Variants in RNF115 observed in about 807,000 individuals in gnomAD.
The protein encoded by RNF115 is ring finger protein 115.
A neutral mutation model predicts 39.2 loss-of-function variants in RNF115; 31 were observed. That is an observed-to-expected ratio of 0.79 (90% CI 0.59 to 1.07). The LOEUF is 1.07. Among genes scored for constraint, RNF115 ranks in the 50% least tolerant of loss-of-function variants. The pLI, the probability that RNF115 is intolerant of heterozygous loss-of-function variation, is 0.00. For synonymous variants in RNF115, 124 were observed against 131.0 expected (o/e 0.95, Z 0.37); for missense variants, 384 against 381.7 (o/e 1.01, Z -0.05).
intron 4 of RNF115, among the ~76,000 whole-genome samples, chr1:145,763,039 A>G (rs1427383167): frequency 6.6e-6 from 1 of 152,148 alleles, no homozygotes; most frequent in East Asian, 1.9e-4. Flanking sequence ...AGGTTGAGAA[A>G]CTACCTATAG....
intron 3 of RNF115, chr1:145,772,763 A>G (rs1329003723): frequency 6.6e-6 from 1 of 152,116 alleles, no homozygotes; most frequent in Non-Finnish European, 1.5e-5. Flanking sequence ...GTGTATATTC[A>G]TGTCTTGTCA....
intron 3 of RNF115, among the ~76,000 whole-genome samples, chr1:145,782,048 G>A (rs1479218617): frequency 2.6e-5 from 4 of 151,634 alleles, no homozygotes; most frequent in Admixed American, 6.6e-5. Flanking sequence ...AATTACAGGC[G>A]CCCACCACCA....
At position 145,754,839 on chromosome 1, in the gene RNF115, T is replaced by C. The variant is rs9441165; in HGVS notation, c.429-1790A>G. ...TGCTTCGTGTTGTTTTAAAAATATG[T>C]CCAAAAATTATTTGATAATCTTCCC... is the stretch of plus-strand genomic sequence containing the variant. On this transcript the variant is annotated intron_variant, in intron 4 of 8. Coordinates refer to ENST00000582693, the MANE Select transcript of RNF115 (RefSeq NM_014455.4). Among the ~76,000 whole-genome samples, 963 of 152,326 alleles carry C rather than the reference T, an allele frequency of 6.3e-3. 9 individuals are homozygous for C. The highest frequency in any genetic ancestry group is 0.022 in the African/African-American group (911 of 41,566).
Position 145,803,097 on chromosome 1 carries a change from TAAGG to T in RNF115, c.103-14135_103-14132del, listed in dbSNP as rs1161692213. Among the ~76,000 whole-genome samples, 3 of 152,280 alleles carry T rather than the reference TAAGG, an allele frequency of 2.0e-5. No individual in the cohort carries two copies. In the East Asian group the frequency reaches 5.8e-4, roughly 29 times the overall value. On this transcript the variant is annotated intron_variant, in intron 1 of 8. Transcript: ENST00000582693. The stretch of plus-strand genomic sequence containing the variant: ...TTCTCTCAACTCTCCTTCAAGAAAT[TAAGG>T]AAGACATACCTCTCATTCATTACAA...
At position 145,750,505 on chromosome 1, in the gene RNF115, A is replaced by G; in HGVS notation, c.574-5T>C. 2 of 1,610,344 alleles carry G rather than the reference A, an allele frequency of 1.2e-6. No individual in the cohort carries two copies. The highest frequency in any genetic ancestry group is 1.7e-6 in the Non-Finnish European group (2 of 1,176,792). On this transcript the variant is annotated splice_polypyrimidine_tract_variant and splice_region_variant and intron_variant, in intron 6 of 8. Transcript: ENST00000582693. ...GTTTTCCAGTTGTCCTAAAAGCTAC[A>G]AAAAAAGAGAAAGAAAAAGACGAAG...
intron 1 of RNF115, among the ~76,000 whole-genome samples, chr1:145,812,326 A>G: frequency 6.7e-6 from 1 of 150,004 alleles, no homozygotes; most frequent in African/African-American, 2.4e-5. Flanking sequence ...TCAAGGAGAG[A>G]GATTAATCTG....
In RNF115 at chr1:145,823,863, G is replaced by A; in HGVS notation, c.11C>T (p.Ala4Val). 2 of 1,551,828 alleles carry A rather than the reference G, an allele frequency of 1.3e-6. No homozygotes were observed. Among genetic ancestry groups the A allele is most frequent in the Non-Finnish European group, 1.7e-6 (2 of 1,152,626 alleles). Reference sequence around the variant, plus strand: ...GCCCGAGTCCGCCCCGGCCGCCGAAGCCTCCGCCATTTTTGCCCTCCGCCG... The same window carrying A: ...GCCCGAGTCCGCCCCGGCCGCCGAAACCTCCGCCATTTTTGCCCTCCGCCG... MAE[A>V]SAAGADSGAA... Residue 4 changes from alanine to valine, a missense_variant, in exon 1 of 9, where the codon GCT becomes GTT. Coordinates refer to ENST00000582693, the MANE Select transcript of RNF115 (RefSeq NM_014455.4).
intron 1 of RNF115, among the ~76,000 whole-genome samples, chr1:145,820,515 A>G (rs1235283205): frequency 3.3e-5 from 5 of 151,446 alleles, no homozygotes; most frequent in Non-Finnish European, 5.9e-5. Context: ...CAAGGTGGGC[A>G]TATCACAAGG....
At chr1:145,759,426 C>T (rs1658420072) in intron 4 of RNF115, among the ~76,000 whole-genome samples, 2 of 152,116 alleles carry the variant, frequency 1.3e-5, no homozygotes. Context: ...GATGGTGGCT[C>T]CATTCTTCTT....
At chr1:145,764,307 TGA>T (rs1365349501) in intron 4 of RNF115, among the ~76,000 whole-genome samples, 3 of 152,296 alleles carry the variant, frequency 2.0e-5, no homozygotes, top group African/African-American at 7.2e-5. Context: ...CCTAAAGTGC[TGA>T]GATTGCAGCC....
chr1:145,771,977 T>C lies in RNF115; in HGVS notation c.220-58A>G. The C allele has an allele frequency of 1.4e-5, 20 of 1,383,004 alleles. 1 individual carries two copies. The highest frequency in any genetic ancestry group is 4.6e-5 in the East Asian group (2 of 43,666). 85.7% of individuals were successfully genotyped at this position (1,383,004 alleles called of 1,614,324 possible). A position where few individuals can be genotyped will look rare whatever the true frequency, so the allele number is the denominator to read the frequency against. Reference sequence around the variant, plus strand: ...AAAAATCAATCAATAAACACCTGGATTGTTTACAGTTTTTTATATTACAAA... The same window carrying C: ...AAAAATCAATCAATAAACACCTGGACTGTTTACAGTTTTTTATATTACAAA... On this transcript the variant is annotated intron_variant, in intron 3 of 8. Transcript: ENST00000582693.
chr1:145,776,901 C>T (rs1249291501), intron 3 of RNF115, among the ~76,000 whole-genome samples: 4 of 152,160 alleles, frequency 2.6e-5, no homozygotes, highest in Non-Finnish European at 4.4e-5. Context: ...CTGCCATTTG[C>T]GCTTCTTATC....
intron 1 of RNF115, among the ~76,000 whole-genome samples, chr1:145,795,667 C>T (rs1648945053): frequency 6.6e-6 from 1 of 152,110 alleles, no homozygotes; most frequent in Non-Finnish European, 1.5e-5. Context: ...ACAGCTCCCG[C>T]ACAGGAACAT....
In RNF115 at chr1:145,741,177, T is replaced by G. The variant is rs1370163730; in HGVS notation, c.*5689A>C. ...TTTTGGATCTTGAAAATTGTATTTCTTATTAGAAAAAGTAAAGAATCACAG... is the reference window on the plus strand; with the variant it reads ...TTTTGGATCTTGAAAATTGTATTTCGTATTAGAAAAAGTAAAGAATCACAG... On this transcript the variant is annotated 3_prime_UTR_variant, in exon 9 of 9. Coordinates refer to ENST00000582693, the MANE Select transcript of RNF115 (RefSeq NM_014455.4). 6.6e-6 allele frequency: 1 copy of G among 152,178 alleles called. No homozygotes were observed. Among genetic ancestry groups the G allele is most frequent in the African/African-American group, 2.4e-5 (1 of 41,438 alleles). 9.4% of individuals were successfully genotyped at this position (152,178 alleles called of 1,614,324 possible). A position where few individuals can be genotyped will look rare whatever the true frequency, so the allele number is the denominator to read the frequency against.
intron 7 of RNF115, 64 bp from the exon 8 acceptor site, chr1:145,748,174 A>C (rs1440718208): frequency 1.7e-5 from 19 of 1,114,376 alleles, no homozygotes; most frequent in Non-Finnish European, 2.5e-5. Context: ...AAACTAACCC[A>C]ATGTCTCTAC....
chr1:145,804,784 ATGATT>A (rs1221859388), intron 1 of RNF115, among the ~76,000 whole-genome samples: 1 of 152,214 alleles, frequency 6.6e-6, no homozygotes, highest in African/African-American at 2.4e-5. Context: ...GCTTTAATGA[ATGATT>A]TTTCAGAACC....
At chr1:145,750,202 C>G (rs1658022139) in intron 7 of RNF115, among the ~76,000 whole-genome samples, 1 of 152,170 alleles carries the variant, frequency 6.6e-6, no homozygotes, top group Non-Finnish European at 1.5e-5. Context: ...GGGGTAGGAA[C>G]TTTCCAGATT....
intron 3 of RNF115, among the ~76,000 whole-genome samples, chr1:145,779,995 A>G (rs920167156): frequency 5.3e-5 from 8 of 151,406 alleles, no homozygotes; most frequent in Non-Finnish European, 1.0e-4. Context: ...TGGGAGGCCA[A>G]GACGAGAGGA....
chr1:145,790,523 C>T lies in RNF115; in HGVS notation c.103-1557G>A, dbSNP rs1435215740. On this transcript the variant is annotated intron_variant, in intron 1 of 8. Transcript: ENST00000582693. ...TCTTGGCTCACTGCAATCTCTGCTT[C>T]CCAGGCTCAAGCCATTCTCCTGCCT... 3.9e-5 allele frequency among the ~76,000 whole-genome samples: 6 copies of T among 152,052 alleles called. No homozygotes were observed. The East Asian group carries it at 9.7e-4, about 25-fold the overall frequency.
Sources: gnomAD v4.1 joint callset for allele counts (sites outside exome capture counted in the v4.1 genomes callset) on GRCh38, gnomAD v4.1.1 for gene constraint, MANE v1.5 for transcripts, NCBI Gene and HGNC (gene_info 2026-07-23, HGNC 2026-07-21) for gene names.